Variants in GRIK3 observed in about 807,000 individuals in gnomAD.
GRIK3 encodes the protein glutamate receptor ionotropic, kainate 3.
GRIK3 carries 29 observed loss-of-function variants against 102.5 expected under a neutral mutation model. The observed-to-expected ratio is 0.28, with a 90% confidence interval of 0.21 to 0.39. The LOEUF (loss-of-function observed/expected upper bound fraction) is 0.39. Ranked by LOEUF, GRIK3 falls within the 10% of genes least tolerant of loss-of-function variation. GRIK3 has a pLI of 1.00. For synonymous variants in GRIK3, 511 were observed against 504.9 expected (o/e 1.01, Z -0.16); for missense variants, 908 against 1,252.4 (o/e 0.73, Z 4.15).
chr1:36,957,066 C>T (rs1333452459), intron 1 of GRIK3, among the ~76,000 whole-genome samples: 1 of 152,244 alleles, frequency 6.6e-6, no homozygotes, highest in African/African-American at 2.4e-5. Context: ...AGATGCCACA[C>T]AGCTATGGAA....
intron 10 of GRIK3, among the ~76,000 whole-genome samples, chr1:36,831,732 C>T (rs1333199523): frequency 1.3e-5 from 2 of 152,172 alleles, no homozygotes; most frequent in African/African-American, 4.8e-5. Context: ...TGAAATGTGG[C>T]TTGTAAGACT....
In GRIK3 at chr1:37,010,842, C is replaced by T. The variant is rs1055808544; in HGVS notation, c.115+23152G>A. Reference sequence around the variant, plus strand: ...CTGCAAGCTCCGCTTCCCGGGTTCACGCCATTCTCCTGCCTCAGCCTCCCG... The same window carrying T: ...CTGCAAGCTCCGCTTCCCGGGTTCATGCCATTCTCCTGCCTCAGCCTCCCG... On this transcript the variant is annotated intron_variant, in intron 1 of 15. Coordinates refer to ENST00000373091, the MANE Select transcript of GRIK3 (RefSeq NM_000831.4). 3.3e-5 allele frequency among the ~76,000 whole-genome samples: 5 copies of T among 151,374 alleles called. No individual in the cohort carries two copies. The South Asian group carries it at 1.0e-3, about 32-fold the overall frequency.
chr1:36,945,259 C>G (rs964263398), intron 1 of GRIK3, among the ~76,000 whole-genome samples: 1 of 152,236 alleles, frequency 6.6e-6, no homozygotes. Context: ...AGTGGAATCA[C>G]AGCAACTAGT....
chr1:36,971,325 C>A (rs909063655), intron 1 of GRIK3, among the ~76,000 whole-genome samples: 3 of 152,196 alleles, frequency 2.0e-5, no homozygotes, highest in Non-Finnish European at 4.4e-5. Flanking sequence ...CCTTCCCATA[C>A]AAATGGAAGG....
At position 37,023,088 on chromosome 1, in the gene GRIK3, G is replaced by A. The variant is rs530963358; in HGVS notation, c.115+10906C>T. Among the ~76,000 whole-genome samples the A allele has an allele frequency of 5.2e-4, 79 of 152,258 alleles. 1 individual carries two copies. Among genetic ancestry groups the A allele is most frequent in the Middle Eastern group, 6.8e-3 (2 of 294 alleles). ...TCACGTCTGTAATCTGAGCACTTTG[G>A]GAGGCCATGGTGGGCAGATCACGAG... On this transcript the variant is annotated intron_variant, in intron 1 of 15. Transcript: ENST00000373091.
At chr1:36,847,084 C>A (rs977786943) in intron 9 of GRIK3, among the ~76,000 whole-genome samples, 17 of 152,222 alleles carry the variant, frequency 1.1e-4, no homozygotes, top group Non-Finnish European at 1.5e-4. Flanking sequence ...TCATCAGTCA[C>A]CCCCAGGCCA....
At chr1:36,847,084 C>T (rs977786943) in intron 9 of GRIK3, among the ~76,000 whole-genome samples, 1 of 152,340 alleles carries the variant, frequency 6.6e-6, no homozygotes, top group Middle Eastern at 3.4e-3. Context: ...TCATCAGTCA[C>T]CCCCAGGCCA....
intron 1 of GRIK3, among the ~76,000 whole-genome samples, chr1:37,029,675 C>A (rs902544235): frequency 6.6e-6 from 1 of 152,232 alleles, no homozygotes; most frequent in Non-Finnish European, 1.5e-5. Flanking sequence ...CTTCCTCCCC[C>A]ATGGAGGGGA....
At position 36,818,316 on chromosome 1, in the gene GRIK3, T is replaced by C. The variant is rs1224349615; in HGVS notation, c.1874-1039A>G. The stretch of plus-strand genomic sequence containing the variant: ...CCCAACTGTCACCGAACAAAGACGA[T>C]GGACAAAAAAACAAGGTGAGGCTCC... On this transcript the variant is annotated intron_variant, in intron 12 of 15. Transcript: ENST00000373091. 5.9e-5 allele frequency among the ~76,000 whole-genome samples: 9 copies of C among 152,128 alleles called. No individual in the cohort carries two copies. In the East Asian group the frequency reaches 1.3e-3, roughly 23 times the overall value.
At chr1:37,000,021 T>G (rs1642459108) in intron 1 of GRIK3, among the ~76,000 whole-genome samples, 1 of 152,154 alleles carries the variant, frequency 6.6e-6, no homozygotes, top group Non-Finnish European at 1.5e-5. Context: ...AACTTAATAT[T>G]ACTGAGCACA....
intron 1 of GRIK3, among the ~76,000 whole-genome samples, chr1:37,004,184 C>T (rs1010166648): frequency 2.6e-5 from 4 of 152,098 alleles, no homozygotes; most frequent in South Asian, 4.2e-4. Context: ...GCTTCTGTTT[C>T]GATCTAATCC....
intron 1 of GRIK3, among the ~76,000 whole-genome samples, chr1:37,017,369 T>TAAAAAAAAAAAAAAA (rs774819790): frequency 2.1e-5 from 1 of 48,524 alleles, no homozygotes; most frequent in African/African-American, 1.0e-4. Context: ...CCCTGTCTCT[T>TAAAAAAAAAAAAAAA]AAAAAAAAAA....
At chr1:36,849,294 C>A (rs1295199451) in intron 9 of GRIK3, among the ~76,000 whole-genome samples, 1 of 152,162 alleles carries the variant, frequency 6.6e-6, no homozygotes, top group Non-Finnish European at 1.5e-5. Context: ...GAGAACAAGC[C>A]CCATCTGAGC....
At chr1:36,960,252 G>T (rs1048576240) in intron 1 of GRIK3, among the ~76,000 whole-genome samples, 2 of 146,782 alleles carry the variant, frequency 1.4e-5, no homozygotes, top group African/African-American at 5.1e-5. Context: ...GAGTCTGTGT[G>T]CCCTGTGACT....
intron 7 of GRIK3, among the ~76,000 whole-genome samples, chr1:36,854,340 T>C (rs539789383): frequency 6.6e-6 from 1 of 152,308 alleles, no homozygotes; most frequent in Admixed American, 6.5e-5. Flanking sequence ...TCTTACCAAA[T>C]GCTATAAGGG....
chr1:36,921,621 T>G (rs1409083791), intron 1 of GRIK3, among the ~76,000 whole-genome samples: 2 of 152,182 alleles, frequency 1.3e-5, no homozygotes, highest in Admixed American at 1.3e-4. Flanking sequence ...TCACACTTTT[T>G]TTTTTCACAT....
intron 13 of GRIK3, among the ~76,000 whole-genome samples, chr1:36,816,311 C>T (rs1642627902): frequency 6.6e-6 from 1 of 152,234 alleles, no homozygotes; most frequent in Admixed American, 6.5e-5. Flanking sequence ...TCTTGGCCTA[C>T]TGTGAGATCT....
intron 1 of GRIK3, among the ~76,000 whole-genome samples, chr1:36,970,119 C>T (rs1256693054): frequency 1.3e-5 from 2 of 152,150 alleles, no homozygotes; most frequent in African/African-American, 4.8e-5. Context: ...TGTTAGCAGC[C>T]ACCAAAGGTT....
rs1264870044 is a variant in GRIK3 at position 36,812,428 on chromosome 1, A to T, written c.2091+4632T>A. Among the ~76,000 whole-genome samples, 4 of 152,094 alleles carry T rather than the reference A, an allele frequency of 2.6e-5. No individual in the cohort carries two copies. In the East Asian group the frequency reaches 7.7e-4, roughly 29 times the overall value. ...TGTCTTCCGATGTCCTCTCTCTTCA[A>T]AGCTGTGCAGCCCTCCCTGCAAAGA... On this transcript the variant is annotated intron_variant, in intron 13 of 15. Transcript: ENST00000373091.
Sources: gnomAD v4.1 joint callset for allele counts (sites outside exome capture counted in the v4.1 genomes callset) on GRCh38, gnomAD v4.1.1 for gene constraint, MANE v1.5 for transcripts, NCBI Gene and HGNC (gene_info 2026-07-23, HGNC 2026-07-21) for gene names.